INTS2: variants seen among roughly 807,000 people sequenced by gnomAD.
The protein encoded by INTS2 is KIAA1287.
INTS2 carries 57 observed loss-of-function variants against 139.6 expected under a neutral mutation model. The observed-to-expected ratio is 0.41, with a 90% confidence interval of 0.33 to 0.51. The LOEUF (loss-of-function observed/expected upper bound fraction) is 0.51. INTS2 is among the 20% of genes least tolerant of loss of function. The pLI is 0.28. For synonymous variants in INTS2, 473 were observed against 493.4 expected (o/e 0.96, Z 0.55); for missense variants, 1,196 against 1,436.7 (o/e 0.83, Z 2.71).
chr17:61,896,813 G>A (rs762357322), intron 11 of INTS2, among the ~76,000 whole-genome samples: 9 of 152,170 alleles, frequency 5.9e-5, no homozygotes, highest in Non-Finnish European at 1.2e-4. Context: ...CTAACGGTAA[G>A]AGTTAAACTG....
intron 12 of INTS2, among the ~76,000 whole-genome samples, chr17:61,894,427 A>C (rs913038626): frequency 6.6e-6 from 1 of 152,380 alleles, no homozygotes; most frequent in Non-Finnish European, 1.5e-5. Flanking sequence ...TTCAAATTTA[A>C]AGACAAAAAA....
At chr17:61,922,345 G>A (rs541643940) in intron 3 of INTS2, among the ~76,000 whole-genome samples, 84 of 136,522 alleles carry the variant, frequency 6.2e-4, no homozygotes, top group African/African-American at 2.7e-3. Flanking sequence ...GTGGCCATCT[G>A]TAATCTTAGC....
rs1413818121 is a variant in INTS2, at chr17:61,881,083, T to C, written c.2178A>G (p.Thr726=). The change falls in exon 17 of 25, where the codon ACA becomes ACG. Residue 726 remains threonine (T), a synonymous_variant. Transcript: ENST00000251334. ...TTCGCCGTAGCAGGGCATCAGTCCCTGTGATTTCTTCTTCACAAATCCAGT... is the reference window on the plus strand; with the variant it reads ...TTCGCCGTAGCAGGGCATCAGTCCCCGTGATTTCTTCTTCACAAATCCAGT... ...VDDWICEEEI[T]GTDALLRRML... is the part of the protein sequence containing the mutation. The C allele has an allele frequency of 2.4e-5, 38 of 1,613,548 alleles. No individual in the cohort carries two copies. The highest frequency in any genetic ancestry group is 3.2e-5 in the Non-Finnish European group (38 of 1,179,450).
intron 3 of INTS2, among the ~76,000 whole-genome samples, chr17:61,923,637 C>T (rs1262473355): frequency 6.6e-6 from 1 of 151,966 alleles, no homozygotes; most frequent in African/African-American, 2.4e-5. Context: ...AAAATTATAA[C>T]AGTAAATAAA....
rs999073389 is a variant in INTS2, at chr17:61,871,467, G to T, written c.2778+798C>A. ...AAGTTGAACTGCTTATATTGTCATG[G>T]TATTTATCACTGCCTGACATTTTAT... On this transcript the variant is annotated intron_variant, in intron 20 of 24. Transcript: ENST00000251334. This position sits in a 1 kb window ranked among gnomAD's most constrained non-coding sequence, Gnocchi z 4.9. 1.3e-5 allele frequency among the ~76,000 whole-genome samples: 2 copies of T among 152,046 alleles called. No individual in the cohort carries two copies. Among genetic ancestry groups the T allele is most frequent in the Non-Finnish European group, 2.9e-5 (2 of 68,018 alleles).
chr17:61,895,652 T>C (rs2145933827), intron 11 of INTS2, among the ~76,000 whole-genome samples: 1 of 152,290 alleles, frequency 6.6e-6, no homozygotes, highest in South Asian at 2.1e-4. Context: ...CTAGGATAGC[T>C]GCCCCTCTGT....
Position 61,892,172 on chromosome 17 carries a change from C to A in INTS2, c.1699-483G>T, listed in dbSNP as rs1427919639. ...AAAATGTTGGGGGTGCATGTGAACTCTTAATTCTTAGCTATTTTACTTGCT... is the reference window on the plus strand; with the variant it reads ...AAAATGTTGGGGGTGCATGTGAACTATTAATTCTTAGCTATTTTACTTGCT... On this transcript the variant is annotated intron_variant, in intron 13 of 24. Transcript: ENST00000251334. Among the ~76,000 whole-genome samples, 3 of 152,250 alleles carry A rather than the reference C, an allele frequency of 2.0e-5. No homozygotes were observed. The East Asian group carries it at 5.8e-4, about 29-fold the overall frequency.
intron 12 of INTS2, among the ~76,000 whole-genome samples, chr17:61,894,540 G>T (rs550528317): frequency 1.3e-5 from 2 of 152,204 alleles, no homozygotes; most frequent in South Asian, 2.1e-4. Flanking sequence ...TAGAAATAAA[G>T]ATATTAATAG....
intron 3 of INTS2, among the ~76,000 whole-genome samples, chr17:61,922,992 G>A (rs1044463115): frequency 1.3e-5 from 2 of 151,606 alleles, no homozygotes; most frequent in African/African-American, 2.4e-5. Flanking sequence ...CAGGAGAATC[G>A]CTTTAACCCA....
chr17:61,925,004 C>T lies in INTS2; in HGVS notation c.389G>A (p.Arg130Gln). ...CAGTTCACTAAGCACAAGACGCAAT[C>T]GACGAGGTGAATCACTGTGTTCAAA... ...LEFEHSDSPRRLRLVLSELLA... is the reference protein window; with the variant it reads ...LEFEHSDSPRQLRLVLSELLA... Residue 130 changes from arginine (R) to glutamine (Q), a missense_variant, in exon 3 of 25, where the codon CGA (arginine) becomes CAA (glutamine). Arg to Gln is a conservative substitution (Grantham distance 43). Around this residue, in one of 3 missense-constraint regions of INTS2, gnomAD observed 1,129 missense variants for 1,341.9 expected, o/e 0.84. Transcript: ENST00000251334. The T allele has an allele frequency of 4.3e-6, 7 of 1,613,388 alleles. No homozygotes were observed. The highest frequency in any genetic ancestry group is 5.9e-6 in the Non-Finnish European group (7 of 1,179,662).
chr17:61,869,415 TA>T lies in INTS2; in HGVS notation c.3031-36del. 7.7e-7 allele frequency: 1 copy of T among 1,302,318 alleles called. No homozygotes were observed. The highest frequency in any genetic ancestry group is 1.1e-6 in the Non-Finnish European group (1 of 926,446). The allele number at this position is 1,302,318 out of a possible 1,614,324, so 80.7% of individuals were successfully genotyped here. ...CAAGAAACGGGAAAAAAGTCAGAAA[TA>T]AAATAACTATAAAAGTACAGATAAA... On this transcript the variant is annotated intron_variant, in intron 21 of 24. Transcript: ENST00000251334. The surrounding 1 kb of genome is among the most constrained non-coding windows in gnomAD (Gnocchi z 5.4).
Position 61,867,745 on chromosome 17 carries a change from A to G in INTS2, c.3422-19T>C, listed in dbSNP as rs376041644. ...TGAAGACCTACAACATAAGGGAAAA[A>G]AAACATTAAGGCCAAGAAATTTGGA... On this transcript the variant is annotated intron_variant, in intron 24 of 24. Coordinates refer to ENST00000251334, the MANE Select transcript of INTS2 (RefSeq NM_001351695.2). The surrounding 1 kb of genome is among the most constrained non-coding windows in gnomAD (Gnocchi z 5.6). 7 of 1,570,386 alleles carry G rather than the reference A, an allele frequency of 4.5e-6. No individual in the cohort carries two copies. Among genetic ancestry groups the G allele is most frequent in the East Asian group, 2.3e-5 (1 of 44,318 alleles).
chr17:61,925,693 C>G (rs1381718620), intron 2 of INTS2, among the ~76,000 whole-genome samples: 1 of 152,120 alleles, frequency 6.6e-6, no homozygotes, highest in African/African-American at 2.4e-5. Flanking sequence ...AAGGACATAG[C>G]ACCTGCCCAG....
rs1394172085 is a variant in INTS2, at chr17:61,869,635, T to C, written c.3030+102A>G. 4 of 1,362,712 alleles carry C rather than the reference T, an allele frequency of 2.9e-6. No individual in the cohort carries two copies. The highest frequency in any genetic ancestry group is 2.3e-5 in the East Asian group (1 of 43,310). 84.4% of individuals were successfully genotyped at this position (1,362,712 alleles called of 1,614,324 possible). On this transcript the variant is annotated intron_variant, in intron 21 of 24. Transcript: ENST00000251334. The surrounding 1 kb of genome is among the most constrained non-coding windows in gnomAD (Gnocchi z 5.4). The stretch of plus-strand genomic sequence containing the variant: ...CATATTGCAAAAGCCCATGGATCAT[T>C]TGTGTTTTCTCTGGTTTCTAAATGA...
Position 61,884,998 on chromosome 17 carries a change from C to G in INTS2, c.1992G>C (p.Met664Ile). 1 of 1,582,608 alleles carries G rather than the reference C, an allele frequency of 6.3e-7. No homozygotes were observed. The highest frequency in any genetic ancestry group is 8.6e-7 in the Non-Finnish European group (1 of 1,158,542). Reference protein sequence around the residue: ...LLANTKTLAAMQRKPKSYSSS... With the variant: ...LLANTKTLAAIQRKPKSYSSS... ...AAGAATATGATTTGGGCTTTCTTTG[C>G]ATGGCAGCTATCAAAGATAAAAAGT... The change falls in exon 16 of 25, where the codon ATG becomes ATC. Residue 664 changes from methionine to isoleucine, a missense_variant. Met to Ile is a conservative substitution (Grantham distance 10). Transcript: ENST00000251334.
chr17:61,899,448 C>T (rs2079382722), intron 9 of INTS2, among the ~76,000 whole-genome samples: 1 of 152,006 alleles, frequency 6.6e-6, no homozygotes, highest in South Asian at 2.1e-4. Flanking sequence ...GACGGGGTTT[C>T]ACCATGTTGG....
intron 12 of INTS2, among the ~76,000 whole-genome samples, chr17:61,894,391 C>T (rs1288593790): frequency 6.6e-6 from 1 of 152,020 alleles, no homozygotes; most frequent in African/African-American, 2.4e-5. Context: ...TTTTAAAGAC[C>T]CTCTTCAAAG....
In INTS2 at chr17:61,876,600, G is replaced by A. The variant is rs2079129473; in HGVS notation, c.2456+1287C>T. On this transcript the variant is annotated intron_variant, in intron 18 of 24. Transcript: ENST00000251334. This position sits in a 1 kb window ranked among gnomAD's most constrained non-coding sequence, Gnocchi z 4.1. ...AATACAGGCATGCATGCACCACCAT[G>A]CCCTGCTAATTTTTGTATTTTTTGT... is the stretch of plus-strand genomic sequence containing the variant. 6.6e-6 allele frequency among the ~76,000 whole-genome samples: 1 copy of A among 151,998 alleles called. No homozygotes were observed. The highest frequency in any genetic ancestry group is 2.4e-5 in the African/African-American group (1 of 41,392).
rs775226163 is a variant in INTS2, at chr17:61,872,358, C to G, written c.2685G>C (p.Arg895Ser). The G allele has an allele frequency of 6.2e-7, 1 of 1,612,764 alleles. No individual in the cohort carries two copies. Among genetic ancestry groups the G allele is most frequent in the East Asian group, 2.2e-5 (1 of 44,876 alleles). Residue 895 changes from arginine to serine, a missense_variant, in exon 20 of 25, where the codon AGG (arginine) becomes AGC (serine). Physicochemically the swap from Arg to Ser is moderately radical, Grantham distance 110 (BLOSUM62 -1). This residue lies in a region of INTS2 where 1,129 missense variants were observed against 1,341.9 expected (regional missense o/e 0.84). Coordinates refer to ENST00000251334, the MANE Select transcript of INTS2 (RefSeq NM_001351695.2). This position sits in a 1 kb window ranked among gnomAD's most constrained non-coding sequence, Gnocchi z 4.8. Reference protein sequence around the residue: ...SAHLKETEQDRPSQNNTIGLV... With the variant: ...SAHLKETEQDSPSQNNTIGLV... Reference sequence around the variant, plus strand: ...AACCAATTGTATTATTCTGGGAAGGCCTATCTTGCTCTGTTTCCTTCAGAT... The same window carrying G: ...AACCAATTGTATTATTCTGGGAAGGGCTATCTTGCTCTGTTTCCTTCAGAT...
Sources: allele counts gnomAD v4.1 joint callset (sites outside exome capture counted in the v4.1 genomes callset), GRCh38; gene constraint gnomAD v4.1.1; regional missense constraint gnomAD v4.1.1; non-coding constraint Gnocchi (gnomAD v3.1); transcripts MANE v1.5; gene names NCBI Gene and HGNC (gene_info 2026-07-23, HGNC 2026-07-21).